ROBO2: variants seen among roughly 807,000 people sequenced by gnomAD.
The protein encoded by ROBO2 is roundabout homolog 2.
A neutral mutation model predicts 160.8 loss-of-function variants in ROBO2; 53 were observed. That is an observed-to-expected ratio of 0.33 (90% CI 0.26 to 0.41). ROBO2 has a LOEUF of 0.41. Ranked by LOEUF, ROBO2 falls within the 10% of genes least tolerant of loss-of-function variation. ROBO2 has a pLI of 1.00. For missense variants in ROBO2, 1,577 were observed against 1,722.4 expected (o/e 0.92, Z 1.49); for synonymous variants, 664 against 611.7 (o/e 1.09, Z -1.26).
intron 2 of ROBO2, among the ~76,000 whole-genome samples, chr3:77,347,700 G>T (rs1219704254): frequency 2.6e-5 from 4 of 151,914 alleles, no homozygotes; most frequent in Non-Finnish European, 5.9e-5. Flanking sequence ...CCCCAAATTA[G>T]GATTTGACAC....
intron 2 of ROBO2, among the ~76,000 whole-genome samples, chr3:76,116,352 C>T (rs866684531): frequency 3.3e-5 from 5 of 152,118 alleles, no homozygotes; most frequent in South Asian, 2.1e-4. Context: ...ATATCCTTAA[C>T]GGAATCCTCA....
At chr3:76,284,641 G>C (rs1209821170) in intron 2 of ROBO2, among the ~76,000 whole-genome samples, 2 of 151,992 alleles carry the variant, frequency 1.3e-5, no homozygotes, top group Admixed American at 1.3e-4. Context: ...AATATTATTT[G>C]ATCATCAGCT....
At chr3:76,033,567 C>A (rs943861383) in intron 2 of ROBO2, among the ~76,000 whole-genome samples, 1 of 152,180 alleles carries the variant, frequency 6.6e-6, no homozygotes, top group Admixed American at 6.6e-5. Flanking sequence ...TAGCAATAAG[C>A]ATTTTACTAC....
At chr3:77,024,968 TTTTG>T (rs1325352790) in intron 2 of ROBO2, among the ~76,000 whole-genome samples, 2 of 151,904 alleles carry the variant, frequency 1.3e-5, no homozygotes, top group Non-Finnish European at 2.9e-5. Flanking sequence ...AGCTGTTTTT[TTTTG>T]TTTGTTTTTT....
chr3:75,915,306 A>G (rs1368690788), intron 1 of ROBO2, among the ~76,000 whole-genome samples: 4 of 152,176 alleles, frequency 2.6e-5, no homozygotes, highest in Non-Finnish European at 4.4e-5. Flanking sequence ...AAAATTCAAG[A>G]ATTATGTAAA....
At chr3:76,592,963 C>T (rs2086511396) in intron 2 of ROBO2, among the ~76,000 whole-genome samples, 1 of 152,074 alleles carries the variant, frequency 6.6e-6, no homozygotes, top group African/African-American at 2.4e-5. Context: ...ATGCCTAGCA[C>T]TGTAAATGCA....
intron 2 of ROBO2, among the ~76,000 whole-genome samples, chr3:76,028,584 C>G (rs2066818116): frequency 6.6e-6 from 1 of 151,680 alleles, no homozygotes; most frequent in Admixed American, 6.6e-5. Flanking sequence ...AGAACTAGGG[C>G]ATGCATTAAA....
intron 2 of ROBO2, among the ~76,000 whole-genome samples, chr3:76,380,502 G>A (rs1163020355): frequency 6.6e-6 from 1 of 152,034 alleles, no homozygotes; most frequent in Admixed American, 6.6e-5. Flanking sequence ...GCCCAAGACA[G>A]GAGGACCAAT....
intron 2 of ROBO2, among the ~76,000 whole-genome samples, chr3:77,399,807 A>G (rs1359988787): frequency 1.3e-5 from 2 of 152,118 alleles, no homozygotes; most frequent in Admixed American, 1.3e-4. Context: ...ACACCTATCT[A>G]AAGTAGAAAC....
At chr3:76,476,178 C>T (rs2078922357) in intron 2 of ROBO2, among the ~76,000 whole-genome samples, 1 of 152,106 alleles carries the variant, frequency 6.6e-6, no homozygotes, top group South Asian at 2.1e-4. Context: ...CCCAAAGAAA[C>T]AAAACTTTGC....
intron 2 of ROBO2, among the ~76,000 whole-genome samples, chr3:77,356,376 G>A (rs1343564596): frequency 6.6e-6 from 1 of 152,016 alleles, no homozygotes; most frequent in Non-Finnish European, 1.5e-5. Context: ...AGAAAGAAGG[G>A]AAGGAGAGAC....
intron 2 of ROBO2, among the ~76,000 whole-genome samples, chr3:76,360,525 A>G (rs1420840662): frequency 6.6e-6 from 1 of 152,142 alleles, no homozygotes; most frequent in Non-Finnish European, 1.5e-5. Context: ...TGAACTTTTA[A>G]ACAAAATAAA....
chr3:77,268,370 T>C (rs551322207), intron 2 of ROBO2, among the ~76,000 whole-genome samples: 1 of 152,274 alleles, frequency 6.6e-6, no homozygotes, highest in African/African-American at 2.4e-5. Context: ...TTTTAAATAC[T>C]CACTGTGCTC....
At chr3:76,563,323 G>A (rs1422540024) in intron 2 of ROBO2, among the ~76,000 whole-genome samples, 1 of 152,114 alleles carries the variant, frequency 6.6e-6, no homozygotes, top group Admixed American at 6.6e-5. Context: ...ATTGTGTGAA[G>A]GCAGGAACTA....
intron 2 of ROBO2, among the ~76,000 whole-genome samples, chr3:76,341,278 A>G (rs1331644201): frequency 1.3e-5 from 2 of 150,310 alleles, no homozygotes; most frequent in Non-Finnish European, 2.9e-5. Context: ...GCAGCGATAC[A>G]GGTTCCTTGG....
intron 2 of ROBO2, among the ~76,000 whole-genome samples, chr3:76,251,216 A>G (rs1705974775): frequency 6.6e-6 from 1 of 152,046 alleles, no homozygotes; most frequent in Non-Finnish European, 1.5e-5. Flanking sequence ...AGAGTTATTA[A>G]CTGGACTTGT....
intron 2 of ROBO2, among the ~76,000 whole-genome samples, chr3:76,762,231 T>A (rs1195391153): frequency 6.6e-6 from 1 of 151,572 alleles, no homozygotes; most frequent in Non-Finnish European, 1.5e-5. Flanking sequence ...TGCCTTTGTT[T>A]CTGATGAATT....
intron 2 of ROBO2, among the ~76,000 whole-genome samples, chr3:77,476,789 T>G (rs1482106817): frequency 1.3e-5 from 2 of 152,142 alleles, no homozygotes; most frequent in Admixed American, 6.5e-5. Context: ...AAGGGATATC[T>G]CTGCCCTGAA....
intron 2 of ROBO2, among the ~76,000 whole-genome samples, chr3:77,199,255 G>A (rs1386207203): frequency 6.6e-6 from 1 of 152,134 alleles, no homozygotes; most frequent in African/African-American, 2.4e-5. Context: ...CTCTTATTTT[G>A]CCATACCTTG....
Sources: gnomAD v4.1 joint callset for allele counts (sites outside exome capture counted in the v4.1 genomes callset) on GRCh38, gnomAD v4.1.1 for gene constraint, MANE v1.5 for transcripts, NCBI Gene and HGNC (gene_info 2026-07-23, HGNC 2026-07-21) for gene names.